Variants in MNAT1 observed in about 807,000 individuals in gnomAD.
The protein encoded by MNAT1 is CDK-activating kinase assembly factor MAT1.
Under a neutral mutation model 42.0 loss-of-function variants are expected in MNAT1, and 43 were observed. That is an observed-to-expected ratio of 1.02 (90% CI 0.80 to 1.32). MNAT1 has a LOEUF of 1.32. Ranked by LOEUF, MNAT1 falls within the 40% of genes most tolerant of loss-of-function variation. The pLI is 0.00. For missense variants in MNAT1, 306 were observed against 350.4 expected (o/e 0.87, Z 1.01); for synonymous variants, 118 against 120.0 (o/e 0.98, Z 0.11).
intron 6 of MNAT1, among the ~76,000 whole-genome samples, chr14:60,837,764 T>G (rs2033433608): frequency 6.6e-6 from 1 of 152,254 alleles, no homozygotes; most frequent in South Asian, 2.1e-4. Context: ...GCTGTCTGTT[T>G]CCTTTTGGTC....
chr14:60,884,225 T>C (rs574858812), intron 7 of MNAT1, among the ~76,000 whole-genome samples: 1 of 152,218 alleles, frequency 6.6e-6, no homozygotes, highest in East Asian at 1.9e-4. Context: ...TTCATTATGT[T>C]GAGGTAAATT....
chr14:60,848,416 G>T (rs1202336514), intron 6 of MNAT1, among the ~76,000 whole-genome samples: 1 of 152,102 alleles, frequency 6.6e-6, no homozygotes, highest in African/African-American at 2.4e-5. Context: ...TTGGGCTTTA[G>T]CATGAACTGG....
At chr14:60,939,865 C>CA (rs2036102216) in intron 7 of MNAT1, among the ~76,000 whole-genome samples, 3 of 152,084 alleles carry the variant, frequency 2.0e-5, no homozygotes, top group African/African-American at 7.2e-5. Context: ...GTGTGGGAGT[C>CA]TAAGTCTCTT....
intron 7 of MNAT1, among the ~76,000 whole-genome samples, chr14:60,916,820 G>A (rs2139541632): frequency 6.6e-6 from 1 of 152,214 alleles, no homozygotes; most frequent in South Asian, 2.1e-4. Flanking sequence ...AGGTGCGGTT[G>A]TGCATGCCAG....
intron 7 of MNAT1, among the ~76,000 whole-genome samples, chr14:60,937,818 G>T (rs977159979): frequency 2.0e-4 from 31 of 151,908 alleles, no homozygotes; most frequent in Admixed American, 1.2e-3. Flanking sequence ...AATTACCTTG[G>T]GCAGTATGGC....
intron 6 of MNAT1, among the ~76,000 whole-genome samples, chr14:60,854,688 G>T (rs1311930486): frequency 6.6e-6 from 1 of 152,120 alleles, no homozygotes; most frequent in Non-Finnish European, 1.5e-5. Flanking sequence ...GTCCCAGAGG[G>T]GCACCGACCT....
chr14:60,942,003 CAAAAAAAAAAAAAAAA>C (rs3080602), intron 7 of MNAT1, among the ~76,000 whole-genome samples: 1 of 29,938 alleles, frequency 3.3e-5, no homozygotes, highest in African/African-American at 1.9e-4. Context: ...GGCTCCATCT[CAAAAAAAAAAAAAAAA>C]AAAAAAAAAA....
chr14:60,746,923 TACACACACAC>T (rs61278549), intron 1 of MNAT1, among the ~76,000 whole-genome samples: 1,215 of 25,560 alleles, frequency 0.048, 212 homozygotes, highest in East Asian at 0.096. Flanking sequence ...TATATATATA[TACACACACAC>T]ACACACACAC....
At chr14:60,736,613 CA>C (rs1896315627) in intron 1 of MNAT1, among the ~76,000 whole-genome samples, 1 of 152,034 alleles carries the variant, frequency 6.6e-6, no homozygotes, top group Non-Finnish European at 1.5e-5. Flanking sequence ...GAAATGTGAA[CA>C]AAATGAGTGA....
intron 3 of MNAT1, among the ~76,000 whole-genome samples, chr14:60,804,131 T>C (rs1357790864): frequency 1.3e-5 from 2 of 152,196 alleles, no homozygotes; most frequent in African/African-American, 4.8e-5. Flanking sequence ...GACTTCAAAA[T>C]TGTACGTGAA....
intron 1 of MNAT1, among the ~76,000 whole-genome samples, chr14:60,771,239 T>TA (rs1045989111): frequency 3.4e-4 from 51 of 150,810 alleles, no homozygotes; most frequent in South Asian, 2.7e-3. Context: ...ACTTTAAAAT[T>TA]AAAAAAAAAA....
At chr14:60,768,396 T>C (rs11628306) in intron 1 of MNAT1, among the ~76,000 whole-genome samples, 74 of 152,342 alleles carry the variant, frequency 4.9e-4, no homozygotes, top group Admixed American at 1.6e-3. Flanking sequence ...AAGGTCTTGG[T>C]TGACTTCTTA....
intron 6 of MNAT1, among the ~76,000 whole-genome samples, chr14:60,872,875 T>C (rs748672402): frequency 2.7e-5 from 4 of 150,104 alleles, no homozygotes; most frequent in Admixed American, 1.3e-4. Flanking sequence ...CACACATATA[T>C]ATATGCACTT....
intron 1 of MNAT1, among the ~76,000 whole-genome samples, chr14:60,777,715 TC>T (rs920878085): frequency 3.9e-5 from 6 of 152,166 alleles, no homozygotes. Context: ...CTGATACCTT[TC>T]ATGTTTACAT....
intron 7 of MNAT1, among the ~76,000 whole-genome samples, chr14:60,892,736 C>T (rs1270814190): frequency 6.6e-6 from 1 of 151,852 alleles, no homozygotes; most frequent in African/African-American, 2.4e-5. Context: ...CTTTGCTTAT[C>T]CTCTATTGTG....
chr14:60,799,699 A>AAT lies in MNAT1; in HGVS notation c.316+1555_316+1556dup, dbSNP rs968743905. Among the ~76,000 whole-genome samples the AAT allele has an allele frequency of 3.1e-4, 46 of 148,012 alleles. 1 individual carries two copies. The highest frequency in any genetic ancestry group is 7.1e-3 in the Middle Eastern group (2 of 282). On this transcript the variant is annotated intron_variant, in intron 3 of 7. Transcript: ENST00000261245. ...ATTCTGACTGAGCTATGATTAAAAA[A>AAT]ATATATATATATATATACACACACA...
chr14:60,874,616 A>C (rs190675094), intron 6 of MNAT1, among the ~76,000 whole-genome samples: 29 of 152,010 alleles, frequency 1.9e-4, no homozygotes, highest in African/African-American at 6.5e-4. Flanking sequence ...AATACTCTAT[A>C]GCACTTAAGT....
At chr14:60,885,214 G>C (rs1337825611) in intron 7 of MNAT1, among the ~76,000 whole-genome samples, 3 of 151,514 alleles carry the variant, frequency 2.0e-5, no homozygotes, top group Admixed American at 2.0e-4. Flanking sequence ...TTGAATAGTT[G>C]AATATTGATA....
intron 7 of MNAT1, among the ~76,000 whole-genome samples, chr14:60,945,434 A>C (rs2036252458): frequency 6.6e-6 from 1 of 152,152 alleles, no homozygotes; most frequent in Non-Finnish European, 1.5e-5. Context: ...AAATTTGAAT[A>C]CCAAATAGAT....
Sources: allele counts gnomAD v4.1 joint callset (sites outside exome capture counted in the v4.1 genomes callset), GRCh38; gene constraint gnomAD v4.1.1; transcripts MANE v1.5; gene names NCBI Gene and HGNC (gene_info 2026-07-23, HGNC 2026-07-21).